Variants in ANKRD36B observed in about 807,000 individuals in gnomAD.
ANKRD36B encodes the protein ankyrin repeat domain 36B.
Under a neutral mutation model 135.7 loss-of-function variants are expected in ANKRD36B, and 37 were observed. The ratio of observed to expected loss-of-function variants is 0.27; its 90% CI spans 0.21 to 0.36. The LOEUF is 0.36. Ranked by LOEUF, ANKRD36B falls within the 10% of genes least tolerant of loss-of-function variation. ANKRD36B has a pLI of 1.00. For synonymous variants in ANKRD36B, 179 were observed against 348.1 expected, an observed-to-expected ratio of 0.51 and a Z score of 5.41; for missense variants, 549 against 1,037.1, an observed-to-expected ratio of 0.53 and a Z score of 6.46.
rs1302336113 is a variant in ANKRD36B at position 97,526,354 on chromosome 2, G to C, written c.2266-2887C>G. Among the ~76,000 whole-genome samples the C allele has an allele frequency of 2.0e-5, 2 of 97,750 alleles. 1 individual carries two copies. The highest frequency in any genetic ancestry group is 6.1e-5 in the African/African-American group (2 of 32,524). The allele number at this position is 97,750 out of a possible 152,430, so 64.1% of individuals were successfully genotyped here. A position where few individuals can be genotyped will look rare whatever the true frequency, so the allele number is the denominator to read the frequency against. ...CTGCAGCTGAGGGTCCTGTCTGGTA[G>C]AAGGAAAACTAACAAACAGAAAGGA... On this transcript the variant is annotated intron_variant, in intron 35 of 43. Transcript: ENST00000359901.
At chr2:97,561,063 A>G (rs1439253213) in intron 6 of ANKRD36B, among the ~76,000 whole-genome samples, 2 of 151,636 alleles carry the variant, frequency 1.3e-5, no homozygotes, top group Non-Finnish European at 3.0e-5. Flanking sequence ...TTCAAGAAAT[A>G]TACACTGACA....
In ANKRD36B at chr2:97,534,988, G is replaced by A. The variant is rs1485888008; in HGVS notation, c.2191+1312C>T. On this transcript the variant is annotated intron_variant, in intron 34 of 43. Transcript: ENST00000359901. The stretch of plus-strand genomic sequence containing the variant: ...TGTGATACATATACGGCTCAGCCAT[G>A]TGAAAGAATAAGATCCTCTCATTCG... Among the ~76,000 whole-genome samples, 23 of 97,056 alleles carry A rather than the reference G, an allele frequency of 2.4e-4. 2 individuals are homozygous for A. The East Asian group carries it at 3.5e-3, about 15-fold the overall frequency. 63.7% of individuals were successfully genotyped at this position (97,056 alleles called of 152,430 possible).
chr2:97,571,932 T>C (rs1313624621), intron 6 of ANKRD36B, among the ~76,000 whole-genome samples: 1 of 151,812 alleles, frequency 6.6e-6, no homozygotes, highest in Admixed American at 6.6e-5. Flanking sequence ...AAACAGTGGG[T>C]TTTTCTTATT....
chr2:97,536,454 G>A lies in ANKRD36B; in HGVS notation c.2118+14C>T, dbSNP rs1222621320. ...GCAGTTAATAATTAAAAATATAAAT[G>A]TAAGAGTAATTACCTTCAAGGTGCG... On this transcript the variant is annotated intron_variant, in intron 33 of 43. Coordinates refer to ENST00000359901, the MANE Select transcript of ANKRD36B (RefSeq NM_001393939.1). 12 of 895,128 alleles carry A rather than the reference G, an allele frequency of 1.3e-5. 4 individuals carry two copies. In the African/African-American group the frequency reaches 1.7e-4, roughly 13 times the overall value. The allele number at this position is 895,128 out of a possible 1,614,324, so 55.4% of individuals were successfully genotyped here. A position where few individuals can be genotyped will look rare whatever the true frequency, so the allele number is the denominator to read the frequency against.
chr2:97,567,894 T>C (rs1028823841), intron 6 of ANKRD36B, among the ~76,000 whole-genome samples: 1 of 152,154 alleles, frequency 6.6e-6, no homozygotes. Flanking sequence ...TTCTGATATA[T>C]AGTCAAATAG....
At chr2:97,538,890 A>G (rs1408190562) in intron 30 of ANKRD36B, among the ~76,000 whole-genome samples, 1 of 96,840 alleles carries the variant, frequency 1.0e-5, no homozygotes, top group African/African-American at 3.1e-5. Context: ...TCGCAGCTTC[A>G]TCAGCTTGGA....
Position 97,553,211 on chromosome 2 carries a change from A to C in ANKRD36B, c.1230T>G (p.Ser410=), listed in dbSNP as rs555068279. 193 of 1,611,324 alleles carry C rather than the reference A, an allele frequency of 1.2e-4. No individual in the cohort carries two copies. The highest frequency in any genetic ancestry group is 2.9e-4 in the African/African-American group (22 of 74,834). Residue 410 remains serine (S), a synonymous_variant, in exon 16 of 44, where the codon TCT becomes TCG. Transcript: ENST00000359901. ...CATCCTTTATTTCTGTGGCTATATT[A>C]GAAACAGAACCTTCCTCGTCAGTTG... ...KATTDEEGSV[S]NIATEIKDGE...
chr2:97,514,935 C>A (rs1159921097), intron 37 of ANKRD36B, among the ~76,000 whole-genome samples: 2 of 75,752 alleles, frequency 2.6e-5, no homozygotes, highest in African/African-American at 8.3e-5. Context: ...GAGGGAGTCT[C>A]CTACTATCAC....
intron 34 of ANKRD36B, among the ~76,000 whole-genome samples, chr2:97,535,164 A>G (rs2078799124): frequency 2.0e-5 from 2 of 99,236 alleles, no homozygotes; most frequent in Admixed American, 1.8e-4. Context: ...CCATTACCAC[A>G]GTCTAGGAAG....
At chr2:97,556,814 A>G (rs2080570368) in intron 12 of ANKRD36B, 123 bp downstream of exon 12, 2 of 1,446,100 alleles carry the variant, frequency 1.4e-6, no homozygotes, top group Non-Finnish European at 1.9e-6. Context: ...CTAGAAATGC[A>G]CAATCTCAGG....
intron 6 of ANKRD36B, among the ~76,000 whole-genome samples, chr2:97,565,341 A>G (rs1174719215): frequency 6.6e-6 from 1 of 151,886 alleles, no homozygotes; most frequent in Non-Finnish European, 1.5e-5. Context: ...TCCTATTTGA[A>G]TACCGTTTAT....
chr2:97,568,535 G>A (rs1482409228), intron 6 of ANKRD36B, among the ~76,000 whole-genome samples: 3 of 151,984 alleles, frequency 2.0e-5, no homozygotes, highest in Non-Finnish European at 2.9e-5. Flanking sequence ...CCCTATGTAA[G>A]GTACAAACAA....
Position 97,535,039 on chromosome 2 carries a change from C to T in ANKRD36B, c.2191+1261G>A, listed in dbSNP as rs2078791809. On this transcript the variant is annotated intron_variant, in intron 34 of 43. Transcript: ENST00000359901. The stretch of plus-strand genomic sequence containing the variant: ...CAATGACATGGATGGAACAGGAGGA[C>T]ATTATGTCAAGTAAAATAATCCAGG... Among the ~76,000 whole-genome samples the T allele has an allele frequency of 2.1e-5, 2 of 95,518 alleles. 1 individual carries two copies. 62.7% of individuals were successfully genotyped at this position (95,518 alleles called of 152,430 possible). A position where few individuals can be genotyped will look rare whatever the true frequency, so the allele number is the denominator to read the frequency against.
intron 6 of ANKRD36B, among the ~76,000 whole-genome samples, chr2:97,564,351 A>G (rs1182111272): frequency 6.6e-6 from 1 of 151,850 alleles, no homozygotes; most frequent in Non-Finnish European, 1.5e-5. Context: ...CACACTCCCA[A>G]ATAAAACTGC....
intron 6 of ANKRD36B, among the ~76,000 whole-genome samples, chr2:97,564,814 C>A (rs376466668): frequency 1.3e-5 from 2 of 152,202 alleles, no homozygotes; most frequent in Non-Finnish European, 2.9e-5. Context: ...ATGATGCCTC[C>A]AGCTTTGTTC....
chr2:97,557,730 A>C (rs1226817735), intron 10 of ANKRD36B, among the ~76,000 whole-genome samples: 1 of 151,882 alleles, frequency 6.6e-6, no homozygotes, highest in Non-Finnish European at 1.5e-5. Flanking sequence ...GTGGTGTAAT[A>C]ATGTGCCTAC....
intron 43 of ANKRD36B, among the ~76,000 whole-genome samples, chr2:97,501,055 C>T (rs1253200152): frequency 1.2e-4 from 4 of 34,130 alleles, no homozygotes; most frequent in Non-Finnish European, 2.7e-4. Flanking sequence ...AGGCTGGTCT[C>T]GAACTCCAGA....
At chr2:97,565,432 A>G (rs1334232741) in intron 6 of ANKRD36B, among the ~76,000 whole-genome samples, 7 of 152,174 alleles carry the variant, frequency 4.6e-5, no homozygotes, top group African/African-American at 1.4e-4. Flanking sequence ...GAATGGGAGG[A>G]AATGTTTGCA....
chr2:97,528,339 T>A (rs2078341354), intron 35 of ANKRD36B, among the ~76,000 whole-genome samples: 2 of 93,858 alleles, frequency 2.1e-5, no homozygotes, highest in South Asian at 4.9e-4. Flanking sequence ...GAAATAAAGA[T>A]GTTCTTTGAA....
Sources: allele counts gnomAD v4.1 joint callset (sites outside exome capture counted in the v4.1 genomes callset), GRCh38; gene constraint gnomAD v4.1.1; transcripts MANE v1.5; gene names NCBI Gene and HGNC (gene_info 2026-07-23, HGNC 2026-07-21).